The following ADK variants were observed in gnomAD, a reference collection of about 807,000 sequenced individuals.
ADK encodes adenosine kinase.
ADK carries 24 observed loss-of-function variants against 44.7 expected under a neutral mutation model. That is an observed-to-expected ratio of 0.54 (90% CI 0.39 to 0.76). The LOEUF (loss-of-function observed/expected upper bound fraction) is 0.76. ADK is among the 30% of genes least tolerant of loss of function. ADK has a pLI of 0.00. For missense variants in ADK, 321 were observed against 425.1 expected (o/e 0.76, Z 2.15); for synonymous variants, 128 against 142.6 (o/e 0.90, Z 0.73).
chr10:74,597,764 G>A (rs575288224), intron 8 of ADK, among the ~76,000 whole-genome samples: 1 of 152,102 alleles, frequency 6.6e-6, no homozygotes, highest in Non-Finnish European at 1.5e-5. Context: ...TTTAGGTGGT[G>A]TTTGCTAGTT....
At chr10:74,563,363 A>T (rs1479148924) in intron 7 of ADK, among the ~76,000 whole-genome samples, 1 of 152,230 alleles carries the variant, frequency 6.6e-6, no homozygotes, top group Non-Finnish European at 1.5e-5. Flanking sequence ...TAATTTATTA[A>T]GTCTCAAATA....
intron 3 of ADK, among the ~76,000 whole-genome samples, chr10:74,235,620 A>G (rs899643391): frequency 5.3e-5 from 8 of 152,120 alleles, no homozygotes; most frequent in Non-Finnish European, 1.5e-5. Flanking sequence ...TATGAGTTCT[A>G]TGAGTTTATG....
At chr10:74,501,007 A>G (rs540726748) in intron 6 of ADK, among the ~76,000 whole-genome samples, 93 of 152,354 alleles carry the variant, frequency 6.1e-4, no homozygotes, top group Non-Finnish European at 1.1e-3. Flanking sequence ...TTTATCAAAA[A>G]CAGAAACACT....
At chr10:74,703,211 G>A (rs776142862) in intron 10 of ADK, among the ~76,000 whole-genome samples, 6 of 152,176 alleles carry the variant, frequency 3.9e-5, no homozygotes, top group Non-Finnish European at 8.8e-5. Context: ...GTCAGACACA[G>A]TGGCTCACAC....
rs149447789 is a variant in ADK at position 74,529,126 on chromosome 10, G to A, written c.726+3700G>A. ...GAAGCAAATCAAATATTCATCAACA[G>A]ATGAATAAACAAAATTTCATGTATA... On this transcript the variant is annotated intron_variant, in intron 7 of 10. Coordinates refer to ENST00000539909, the MANE Select transcript of ADK (RefSeq NM_006721.4). 3.3e-5 allele frequency among the ~76,000 whole-genome samples: 5 copies of A among 152,202 alleles called. No individual in the cohort carries two copies. In the East Asian group the frequency reaches 9.7e-4, roughly 29 times the overall value.
At chr10:74,167,248 C>G (rs1212173443) in intron 1 of ADK, among the ~76,000 whole-genome samples, 1 of 152,148 alleles carries the variant, frequency 6.6e-6, no homozygotes, top group Non-Finnish European at 1.5e-5. Flanking sequence ...CTCAAGTGAT[C>G]CTCCCGCCTC....
intron 7 of ADK, among the ~76,000 whole-genome samples, chr10:74,534,254 A>T (rs1010897772): frequency 1.3e-5 from 2 of 152,232 alleles, no homozygotes; most frequent in Admixed American, 6.5e-5. Context: ...GTTTGTGCAG[A>T]TAATTGTATG....
At chr10:74,649,539 C>T (rs562605887) in intron 9 of ADK, among the ~76,000 whole-genome samples, 1 of 151,900 alleles carries the variant, frequency 6.6e-6, no homozygotes, top group Non-Finnish European at 1.5e-5. Flanking sequence ...GTGGGAGGAC[C>T]ACTTGAGACT....
At chr10:74,571,765 T>C (rs1184096391) in intron 7 of ADK, among the ~76,000 whole-genome samples, 3 of 152,110 alleles carry the variant, frequency 2.0e-5, no homozygotes, top group African/African-American at 7.2e-5. Context: ...TTTGAAGGGT[T>C]TTTTGTGTCT....
At chr10:74,612,398 G>T (rs1852589795) in intron 9 of ADK, among the ~76,000 whole-genome samples, 1 of 152,128 alleles carries the variant, frequency 6.6e-6, no homozygotes, top group Admixed American at 6.6e-5. Flanking sequence ...TGAGATTACA[G>T]ACATGAGTCA....
At chr10:74,469,782 T>C (rs1846494218) in intron 6 of ADK, among the ~76,000 whole-genome samples, 1 of 152,192 alleles carries the variant, frequency 6.6e-6, no homozygotes, top group African/African-American at 2.4e-5. Flanking sequence ...TGAACAGTAA[T>C]TCCCCTTTGC....
intron 3 of ADK, among the ~76,000 whole-genome samples, chr10:74,262,550 G>A (rs1328874673): frequency 1.3e-5 from 2 of 152,132 alleles, no homozygotes; most frequent in African/African-American, 4.8e-5. Flanking sequence ...GCTTTATCAA[G>A]CATGTTTATT....
intron 3 of ADK, among the ~76,000 whole-genome samples, chr10:74,292,870 G>A (rs1839669893): frequency 6.6e-6 from 1 of 151,974 alleles, no homozygotes; most frequent in Non-Finnish European, 1.5e-5. Context: ...TTCCACCTTT[G>A]CTGCCTTCAA....
chr10:74,368,104 G>GA (rs1206222446), intron 4 of ADK, among the ~76,000 whole-genome samples: 1 of 152,166 alleles, frequency 6.6e-6, no homozygotes, highest in African/African-American at 2.4e-5. Flanking sequence ...AGGTTTTCAG[G>GA]AAACTAACCC....
intron 3 of ADK, among the ~76,000 whole-genome samples, chr10:74,255,360 A>G (rs548796538): frequency 1.3e-5 from 2 of 152,160 alleles, no homozygotes; most frequent in Admixed American, 1.3e-4. Flanking sequence ...TTTCCAAATG[A>G]TCACCAAAAG....
chr10:74,180,198 C>T (rs1454732836), intron 1 of ADK, among the ~76,000 whole-genome samples: 1 of 136,658 alleles, frequency 7.3e-6, no homozygotes, highest in Non-Finnish European at 1.6e-5. Flanking sequence ...GCTTCCATTT[C>T]TCTTTTCTTT....
intron 2 of ADK, among the ~76,000 whole-genome samples, chr10:74,208,789 T>G (rs1044933339): frequency 2.4e-4 from 37 of 152,152 alleles, no homozygotes; most frequent in Admixed American, 5.2e-4. Context: ...CAAGCTGCAG[T>G]GCAGTGGCGC....
chr10:74,512,608 AG>A (rs1848384005), intron 6 of ADK, among the ~76,000 whole-genome samples: 1 of 151,386 alleles, frequency 6.6e-6, no homozygotes, highest in Admixed American at 6.6e-5. Context: ...GTATTTCTGT[AG>A]TATCTTTTGT....
chr10:74,673,800 T>A (rs1855278370), intron 10 of ADK, among the ~76,000 whole-genome samples: 1 of 151,974 alleles, frequency 6.6e-6, no homozygotes, highest in African/African-American at 2.4e-5. Flanking sequence ...TTATTGCCGA[T>A]GAAAGTGGCT....
Sources: allele counts gnomAD v4.1 joint callset (sites outside exome capture counted in the v4.1 genomes callset), GRCh38; gene constraint gnomAD v4.1.1; transcripts MANE v1.5; gene names NCBI Gene and HGNC (gene_info 2026-07-23, HGNC 2026-07-21).